The following RNPEP variants were observed in gnomAD, a reference collection of about 807,000 sequenced individuals.
The protein encoded by RNPEP is arginyl aminopeptidase.
Under a neutral mutation model 70.1 loss-of-function variants are expected in RNPEP, and 57 were observed. The observed-to-expected ratio is 0.81, with a 90% CI of 0.66 to 1.01. The LOEUF is 1.01. Ranked by LOEUF, RNPEP falls within the 50% of genes least tolerant of loss-of-function variation. The pLI is 0.00. For synonymous variants in RNPEP, 335 were observed against 357.4 expected (o/e 0.94, Z 0.71); for missense variants, 787 against 852.4 (o/e 0.92, Z 0.96).
At chr1:201,996,898 A>T (rs185857299) in intron 4 of RNPEP, among the ~76,000 whole-genome samples, 44 of 152,174 alleles carry the variant, frequency 2.9e-4, no homozygotes, top group Middle Eastern at 3.4e-3. Context: ...CATTGCTGGA[A>T]GTTTCCCCAC....
intron 9 of RNPEP, among the ~76,000 whole-genome samples, chr1:202,003,827 G>A (rs12119699): frequency 0.36 from 54,714 of 151,968 alleles, 11,041 homozygotes; most frequent in Admixed American, 0.45. Context: ...GGAAGTAGGC[G>A]GTGTGATGTT....
intron 9 of RNPEP, 67 bp from the exon 10 acceptor site, chr1:202,004,287 C>T: frequency 6.3e-7 from 1 of 1,578,528 alleles, no homozygotes; most frequent in Non-Finnish European, 8.6e-7. Context: ...CTCAGCCTCC[C>T]AAAATTCTAG....
At chr1:202,001,236 C>T (rs1380669055) in intron 6 of RNPEP, 140 bp from the exon 7 acceptor site, 2 of 634,860 alleles carry the variant, frequency 3.2e-6, no homozygotes, top group East Asian at 5.5e-5. Flanking sequence ...AGGATCTGGA[C>T]ACCTTCTTGG....
chr1:202,002,861 C>T (rs1683885781), intron 8 of RNPEP, among the ~76,000 whole-genome samples: 1 of 152,148 alleles, frequency 6.6e-6, no homozygotes, highest in East Asian at 1.9e-4. Context: ...TGCCCGTGGC[C>T]TCCCAGCTGG....
chr1:202,004,791 A>C (rs965742346), intron 10 of RNPEP, among the ~76,000 whole-genome samples: 10 of 152,242 alleles, frequency 6.6e-5, no homozygotes, highest in Admixed American at 6.5e-4. Context: ...TGACAGTGTC[A>C]TGTGGGAAAC....
At position 201,989,440 on chromosome 1, in the gene RNPEP, A is replaced by G. The variant is rs533412717; in HGVS notation, c.646A>G (p.Asn216Asp). ...TAGCACCTGGGAGAAGAGAGGTCCA[A>G]ATAAGTTCTTCTTCCAGATGTGTCA... is the stretch of plus-strand genomic sequence containing the variant. The part of the protein sequence containing the change: ...SASTWEKRGP[N>D]KFFFQMCQPI... The change falls in exon 3 of 11, where the codon AAT (asparagine) becomes GAT (aspartate). Residue 216 changes from asparagine (N) to aspartate (D), a missense_variant. Coordinates refer to ENST00000295640, the MANE Select transcript of RNPEP (RefSeq NM_020216.4). 5 of 1,614,186 alleles carry G rather than the reference A, an allele frequency of 3.1e-6. No homozygotes were observed. The highest frequency in any genetic ancestry group is 2.7e-5 in the African/African-American group (2 of 75,044).
chr1:201,982,794 T>C lies in RNPEP; in HGVS notation c.128T>C (p.Leu43Pro), dbSNP rs1682981761. 5 of 1,349,326 alleles carry C rather than the reference T, an allele frequency of 3.7e-6. No homozygotes were observed. The allele number at this position is 1,349,326 out of a possible 1,614,324, so 83.6% of individuals were successfully genotyped here. The change falls in exon 1 of 11, where the codon CTG becomes CCG. Residue 43 changes from leucine to proline, a missense_variant. Physicochemically the swap from Leu to Pro is moderately conservative, Grantham distance 98 (BLOSUM62 -3). Coordinates refer to ENST00000295640, the MANE Select transcript of RNPEP (RefSeq NM_020216.4). ...AFELLHLHLD[L>P]RAEFGPPGPG... ...GAGCTGCTGCACTTGCACCTGGACCTGCGGGCTGAGTTCGGGCCTCCAGGG... is the reference window on the plus strand; with the variant it reads ...GAGCTGCTGCACTTGCACCTGGACCCGCGGGCTGAGTTCGGGCCTCCAGGG...
chr1:201,989,652 C>G, intron 3 of RNPEP, 121 bp downstream of exon 3: 3 of 1,004,504 alleles, frequency 3.0e-6, no homozygotes, highest in Non-Finnish European at 4.5e-6. Flanking sequence ...GAGTCCAGAG[C>G]CTTTCTGCAG....
intron 1 of RNPEP, among the ~76,000 whole-genome samples, chr1:201,988,437 G>A (rs12042907): frequency 0.05 from 6,733 of 135,142 alleles, 218 homozygotes; most frequent in South Asian, 0.11. Context: ...CAGCCTGGGC[G>A]ACAGAGCGAT....
At chr1:201,988,159 G>GAAAAA (rs1175709297) in intron 1 of RNPEP, among the ~76,000 whole-genome samples, 1 of 144,584 alleles carries the variant, frequency 6.9e-6, no homozygotes, top group Non-Finnish European at 1.5e-5. Flanking sequence ...AAAAAGAAAA[G>GAAAAA]AAAAGAGAAT....
intron 8 of RNPEP, 170 bp from the exon 9 acceptor site, chr1:202,003,067 T>C (rs1166147449): frequency 1.3e-5 from 8 of 600,888 alleles, no homozygotes; most frequent in Non-Finnish European, 6.0e-6. Flanking sequence ...GATGTCGTTA[T>C]AACTAGGACC....
chr1:202,004,810 G>GA (rs962781450), intron 10 of RNPEP, among the ~76,000 whole-genome samples: 1 of 152,250 alleles, frequency 6.6e-6, no homozygotes, highest in African/African-American at 2.4e-5. Context: ...ACACAAGAGG[G>GA]AAAGGGGCCA....
rs560119079 is a variant in RNPEP at position 201,983,367 on chromosome 1, C to T, written c.447+254C>T. ...TGCATCCTTCACCCTTTCCGTCCTT[C>T]CGCGTCTCCTCCCTGGCCCTGGAGG... is the stretch of plus-strand genomic sequence containing the variant. On this transcript the variant is annotated intron_variant, in intron 1 of 10. Coordinates refer to ENST00000295640, the MANE Select transcript of RNPEP (RefSeq NM_020216.4). 4.7e-6 allele frequency: 7 copies of T among 1,500,850 alleles called. No homozygotes were observed. In the African/African-American group the frequency reaches 7.0e-5, roughly 15 times the overall value. The allele number at this position is 1,500,850 out of a possible 1,614,324, so 93.0% of individuals were successfully genotyped here.
rs375065405 is a variant in RNPEP, at chr1:201,983,278, T to C, written c.447+165T>C. Reference sequence around the variant, plus strand: ...CGCGCCGCCTCTAGGCCTCCTCCCCTTGCTTCCTCTTTTCCTCCCGGGCTG... The same window carrying C: ...CGCGCCGCCTCTAGGCCTCCTCCCCCTGCTTCCTCTTTTCCTCCCGGGCTG... On this transcript the variant is annotated intron_variant, in intron 1 of 10. Transcript: ENST00000295640. 1.1e-4 allele frequency: 162 copies of C among 1,443,532 alleles called. 1 individual carries two copies. The East Asian group carries it at 3.0e-3, about 27-fold the overall frequency. The allele number at this position is 1,443,532 out of a possible 1,614,324, so 89.4% of individuals were successfully genotyped here.
Position 201,997,391 on chromosome 1 carries a change from C to A in RNPEP, c.927C>A (p.Thr309=), listed in dbSNP as rs1189805485. 8.7e-6 allele frequency: 14 copies of A among 1,614,120 alleles called. No homozygotes were observed. Among genetic ancestry groups the A allele is most frequent in the East Asian group, 2.2e-5 (1 of 44,872 alleles). ...GMENPCLTFV[T]PCLLAGDRSL... Reference sequence around the variant, plus strand: ...AGAACCCTTGTCTGACCTTTGTCACCCCCTGCCTGCTAGCTGGGGACCGCT... The same window carrying A: ...AGAACCCTTGTCTGACCTTTGTCACACCCTGCCTGCTAGCTGGGGACCGCT... The change falls in exon 5 of 11, where the codon ACC becomes ACA. Residue 309 remains threonine (T), a synonymous_variant. Transcript: ENST00000295640.
At chr1:201,996,493 G>GTGTGTGTGTGTGTT in intron 4 of RNPEP, 3 of 380,592 alleles carry the variant, frequency 7.9e-6, no homozygotes, top group Admixed American at 4.1e-5. Flanking sequence ...GTGTGTGTGT[G>GTGTGTGTGTGTGTT]TGTGTGTGTG....
chr1:202,004,256 G>A (rs941901496), intron 9 of RNPEP, 98 bp from the exon 10 acceptor site: 1 of 1,329,586 alleles, frequency 7.5e-7, no homozygotes, highest in Non-Finnish European at 1.0e-6. Flanking sequence ...TCACATTCCT[G>A]ACCTCAAGTG....
At position 201,999,938 on chromosome 1, in the gene RNPEP, G is replaced by A. The variant is rs770743142; in HGVS notation, c.1127G>A (p.Arg376Gln). 32 of 1,613,668 alleles carry A rather than the reference G, an allele frequency of 2.0e-5. No homozygotes were observed. In the Admixed American group the frequency reaches 2.8e-4, roughly 14 times the overall value. The change falls in exon 6 of 11, where the codon CGG (arginine) becomes CAG (glutamine). Residue 376 changes from arginine (R) to glutamine (Q), a missense_variant. Physicochemically the swap from Arg to Gln is conservative, Grantham distance 43. Transcript: ENST00000295640. ...AYTCLEAATG[R>Q]ALLRQHMDIT... ...ACCTGCTTGGAGGCTGCAACGGGGC[G>A]GGCTCTGCTGCGTCAGCACATGGAC...
chr1:201,994,230 T>C (rs1026415571), intron 3 of RNPEP, among the ~76,000 whole-genome samples: 7 of 152,194 alleles, frequency 4.6e-5, no homozygotes, highest in Non-Finnish European at 7.4e-5. Flanking sequence ...TCTACATGCT[T>C]TCCTTGGAGA....
Sources: allele counts gnomAD v4.1 joint callset (sites outside exome capture counted in the v4.1 genomes callset), GRCh38; gene constraint gnomAD v4.1.1; transcripts MANE v1.5; gene names NCBI Gene and HGNC (gene_info 2026-07-23, HGNC 2026-07-21).